Variants in THBS4 observed in about 807,000 individuals in gnomAD.
The protein encoded by THBS4 is thrombospondin-4.
A neutral mutation model predicts 115.7 loss-of-function variants in THBS4; 90 were observed. That is an observed-to-expected ratio of 0.78 (90% CI 0.66 to 0.93). The LOEUF (loss-of-function observed/expected upper bound fraction) is 0.93. Ranked by LOEUF, THBS4 falls within the 40% of genes least tolerant of loss-of-function variation. The pLI, the probability that THBS4 is intolerant of heterozygous loss-of-function variation, is 0.00. For missense variants in THBS4, 1,087 were observed against 1,232.7 expected (o/e 0.88, Z 1.77); for synonymous variants, 460 against 479.3 (o/e 0.96, Z 0.53).
intron 11 of THBS4, 67 bp from the exon 12 acceptor site, chr5:80,070,576 G>A: frequency 6.7e-7 from 1 of 1,496,426 alleles, no homozygotes; most frequent in Non-Finnish European, 9.3e-7. Context: ...AGTGTCTTGA[G>A]GTCAGAAACA....
chr5:80,053,357 C>A (rs940511457), intron 2 of THBS4, among the ~76,000 whole-genome samples: 2 of 151,158 alleles, frequency 1.3e-5, no homozygotes, highest in Non-Finnish European at 2.9e-5. Context: ...GTGTTGATTA[C>A]AATAAGTATT....
intron 2 of THBS4, chr5:80,052,324 G>A (rs1833281732): frequency 6.6e-6 from 1 of 151,718 alleles, no homozygotes; most frequent in African/African-American, 2.4e-5. Flanking sequence ...ATATTTAAGG[G>A]GTACATGTGA....
chr5:80,070,325 G>C lies in THBS4; in HGVS notation c.1367G>C (p.Gly456Ala), dbSNP rs1257743895. The change falls in exon 11 of 22, where the codon GGA (glycine) becomes GCA (alanine). Residue 456 changes from glycine (G) to alanine (A), a missense_variant. Coordinates refer to ENST00000350881, the MANE Select transcript of THBS4 (RefSeq NM_003248.6). ...TTACAGTGTGGAGTCGGTTGGGCTG[G>C]AGATGGCTATATCTGTGGAAAGGAT... ...VTCVCGVGWAGDGYICGKDVD... is the reference protein window; with the variant it reads ...VTCVCGVGWAADGYICGKDVD... 6.3e-7 allele frequency: 1 copy of C among 1,596,066 alleles called. No individual in the cohort carries two copies. The highest frequency in any genetic ancestry group is 1.3e-5 in the African/African-American group (1 of 74,408).
intron 2 of THBS4, chr5:80,052,840 A>G (rs1833296768): frequency 6.6e-6 from 1 of 152,250 alleles, no homozygotes; most frequent in Non-Finnish European, 1.5e-5. Flanking sequence ...ATAAATAGGT[A>G]TTCTTGGCTA....
chr5:80,024,592 C>T (rs1052114674), intron 2 of THBS4, among the ~76,000 whole-genome samples: 6 of 152,166 alleles, frequency 3.9e-5, no homozygotes, highest in African/African-American at 1.2e-4. Context: ...GTGGCTCCAC[C>T]GTGCTGCCTC....
chr5:80,064,710 C>T (rs545299930), intron 8 of THBS4, among the ~76,000 whole-genome samples: 35 of 151,980 alleles, frequency 2.3e-4, no homozygotes, highest in African/African-American at 6.5e-4. Flanking sequence ...CCAGCCTGAG[C>T]GACAGAGCAA....
chr5:80,039,533 A>T (rs776622393), intron 1 of THBS4, among the ~76,000 whole-genome samples: 2 of 152,238 alleles, frequency 1.3e-5, no homozygotes, highest in Non-Finnish European at 2.9e-5. Flanking sequence ...CACAAAGGGA[A>T]CACTTAGGTC....
chr5:80,033,497 C>T (rs923545531), upstream of THBS4, among the ~76,000 whole-genome samples: 4 of 152,216 alleles, frequency 2.6e-5, no homozygotes, highest in African/African-American at 9.6e-5. Flanking sequence ...AAGCTAGAAT[C>T]ATGGTGGACC....
intron 2 of THBS4, among the ~76,000 whole-genome samples, chr5:80,043,859 T>G (rs946481880): frequency 6.6e-6 from 1 of 152,178 alleles, no homozygotes; most frequent in African/African-American, 2.4e-5. Context: ...AATTGAATAA[T>G]GTACCCATGT....
intron 2 of THBS4, among the ~76,000 whole-genome samples, chr5:80,013,541 C>T (rs888979381): frequency 1.3e-5 from 2 of 152,086 alleles, no homozygotes; most frequent in Non-Finnish European, 2.9e-5. Flanking sequence ...CACTTTGAGT[C>T]CTATTTATGT....
rs189516142 is a variant in THBS4, at chr5:80,055,311, G to T, written c.293-474G>T. On this transcript the variant is annotated intron_variant, in intron 2 of 21. Transcript: ENST00000350881. ...CACTGCAGCCTGGGGGACAGAGTGA[G>T]ATCCTGTCTTTAAAAAAAAAAAAAA... Among the ~76,000 whole-genome samples, 89 of 149,892 alleles carry T rather than the reference G, an allele frequency of 5.9e-4. No individual in the cohort carries two copies. The East Asian group carries it at 0.014, about 24-fold the overall frequency.
At chr5:80,021,535 G>A (rs1832375025) in intron 2 of THBS4, among the ~76,000 whole-genome samples, 1 of 151,754 alleles carries the variant, frequency 6.6e-6, no homozygotes, top group African/African-American at 2.4e-5. Flanking sequence ...CTTAGAGACA[G>A]GGTCTCTGTC....
intron 3 of THBS4, among the ~76,000 whole-genome samples, 184 bp downstream of exon 3, chr5:80,056,216 C>T (rs993781223): frequency 6.6e-6 from 1 of 152,122 alleles, no homozygotes; most frequent in African/African-American, 2.4e-5. Flanking sequence ...AAACTGAATC[C>T]GAATCTGTCG....
At position 80,079,174 on chromosome 5, in the gene THBS4, C is replaced by A. The variant is rs182887861; in HGVS notation, c.2427C>A (p.Tyr809Ter). The A allele has an allele frequency of 1.2e-6, 2 of 1,614,180 alleles. No individual in the cohort carries two copies. The highest frequency in any genetic ancestry group is 2.2e-5 in the East Asian group (1 of 44,884). Reference protein sequence around the residue: ...IFGYQDSSSFYVVMWKQTEQT... With the variant: ...IFGYQDSSSF ...GCTACCAAGATAGCTCCAGCTTCTA[C>A]GTGGTCATGTGGAAGCAGACGGAGC... The change falls in exon 19 of 22, where the codon TAC (tyrosine) becomes TAA (stop). Residue 809 changes from tyrosine (Y) to a stop codon, truncating the protein, a stop_gained. Coordinates refer to ENST00000350881, the MANE Select transcript of THBS4 (RefSeq NM_003248.6). LOFTEE classifies it high-confidence loss of function.
intron 9 of THBS4, chr5:80,067,772 C>T (rs767280159): frequency 2.9e-5 from 16 of 543,868 alleles, no homozygotes; most frequent in Non-Finnish European, 4.5e-5. Flanking sequence ...TCTGAGTGGC[C>T]GGACGCAGCC....
intron 1 of THBS4, among the ~76,000 whole-genome samples, chr5:80,039,422 G>T (rs1270267925): frequency 6.6e-6 from 1 of 152,204 alleles, no homozygotes; most frequent in Admixed American, 6.5e-5. Flanking sequence ...TTTTTGTAGA[G>T]CAATTCTATC....
intron 14 of THBS4, 76 bp downstream of exon 14, chr5:80,072,472 GAA>G: frequency 7.4e-7 from 1 of 1,348,666 alleles, no homozygotes; most frequent in Non-Finnish European, 1.1e-6. Flanking sequence ...CGGGTGTCTA[GAA>G]AAACAGCAGA....
Position 80,072,346 on chromosome 5 carries a change from G to A in THBS4, c.1789G>A (p.Gly597Ser). The A allele has an allele frequency of 6.2e-7, 1 of 1,614,174 alleles. No homozygotes were observed. The change falls in exon 14 of 22, where the codon GGT (glycine) becomes AGT (serine). Residue 597 changes from glycine to serine, a missense_variant. Transcript: ENST00000350881. ...NRDQRDKDGD[G>S]VGDACDSCPD... ...TGACCAACGGGACAAGGATGGTGAT[G>A]GTGTGGGGGATGCCTGTGACAGTTG...
intron 2 of THBS4, among the ~76,000 whole-genome samples, chr5:80,011,352 C>G (rs1364797914): frequency 3.9e-5 from 6 of 152,108 alleles, no homozygotes; most frequent in Non-Finnish European, 5.9e-5. Context: ...CCATTCACCC[C>G]TCATTATCTA....
Sources: allele counts gnomAD v4.1 joint callset (sites outside exome capture counted in the v4.1 genomes callset), GRCh38; gene constraint gnomAD v4.1.1; transcripts MANE v1.5; gene names NCBI Gene and HGNC (gene_info 2026-07-23, HGNC 2026-07-21).